The following ADAM23 variants were observed in gnomAD, a reference collection of about 807,000 sequenced individuals.
ADAM23 encodes disintegrin and metalloproteinase domain-containing protein 23.
ADAM23 carries 33 observed loss-of-function variants against 120.1 expected under a neutral mutation model. That is an observed-to-expected ratio of 0.27 (90% CI 0.21 to 0.37). The LOEUF (loss-of-function observed/expected upper bound fraction) is 0.37, where lower values mean the gene tolerates loss of function less well. Among genes scored for constraint, ADAM23 ranks in the 10% least tolerant of loss-of-function variants. The pLI is 1.00. For synonymous variants in ADAM23, 367 were observed against 375.2 expected (o/e 0.98, Z 0.25); for missense variants, 862 against 1,058.2 (o/e 0.81, Z 2.57).
intron 4 of ADAM23, among the ~76,000 whole-genome samples, chr2:206,539,050 A>G (rs973742109): frequency 6.6e-6 from 1 of 152,170 alleles, no homozygotes; most frequent in Non-Finnish European, 1.5e-5. Flanking sequence ...CATGGCTTCA[A>G]TGTGTCAGTA....
At chr2:206,617,474 G>C in intron 25 of ADAM23, 105 bp from the exon 26 acceptor site, 1 of 1,292,310 alleles carries the variant, frequency 7.7e-7, no homozygotes, top group Non-Finnish European at 1.0e-6. Flanking sequence ...CTTTGCTCTG[G>C]AACTAGCATT....
chr2:206,503,502 T>A (rs1696433159), intron 3 of ADAM23, among the ~76,000 whole-genome samples: 2 of 152,116 alleles, frequency 1.3e-5, no homozygotes, highest in South Asian at 4.1e-4. Flanking sequence ...TGTTTTAGAT[T>A]TATAGCTAAA....
chr2:206,584,416 A>C (rs749209046), intron 18 of ADAM23, among the ~76,000 whole-genome samples: 3 of 151,916 alleles, frequency 2.0e-5, no homozygotes, highest in Admixed American at 6.6e-5. Flanking sequence ...GGGCCCTAGA[A>C]CTCCCAAGAT....
chr2:206,520,812 A>G (rs564302372), intron 3 of ADAM23, among the ~76,000 whole-genome samples: 4 of 152,156 alleles, frequency 2.6e-5, no homozygotes, highest in South Asian at 2.1e-4. Context: ...TTCTGGTTCT[A>G]GAGTTCCCTT....
intron 3 of ADAM23, among the ~76,000 whole-genome samples, chr2:206,508,328 C>T (rs1696545021): frequency 6.6e-6 from 1 of 152,114 alleles, no homozygotes. Flanking sequence ...GTCCGGCCGC[C>T]TAGTTTACTT....
At chr2:206,480,461 CTT>C (rs112352748) in intron 2 of ADAM23, among the ~76,000 whole-genome samples, 9 of 131,688 alleles carry the variant, frequency 6.8e-5, no homozygotes, top group East Asian at 2.3e-4. Context: ...TAGCCTTGTT[CTT>C]TTTTTTTTTT....
chr2:206,473,666 G>T (rs1164611200), intron 2 of ADAM23, among the ~76,000 whole-genome samples: 2 of 151,452 alleles, frequency 1.3e-5, no homozygotes, highest in Admixed American at 1.3e-4. Flanking sequence ...ACTCTTTTCA[G>T]TTACTCATTT....
chr2:206,487,049 T>G (rs1318512777), intron 3 of ADAM23, among the ~76,000 whole-genome samples: 3 of 152,230 alleles, frequency 2.0e-5, no homozygotes, highest in African/African-American at 7.2e-5. Context: ...TAATATACCA[T>G]TATTTGGATA....
intron 24 of ADAM23, among the ~76,000 whole-genome samples, chr2:206,606,092 T>C (rs964728241): frequency 6.6e-6 from 1 of 152,250 alleles, no homozygotes; most frequent in Non-Finnish European, 1.5e-5. Context: ...AACATAACAC[T>C]GGGTGTGCTT....
At position 206,536,352 on chromosome 2, in the gene ADAM23, G is replaced by A. The variant is rs781035165; in HGVS notation, c.573+5404G>A. On this transcript the variant is annotated intron_variant, in intron 4 of 25. Transcript: ENST00000264377. Reference sequence around the variant, plus strand: ...TGGTGCAAAAGCAATTGCGGTGTTCGCCATTGAAAGTAATGTCAAAAACCA... The same window carrying A: ...TGGTGCAAAAGCAATTGCGGTGTTCACCATTGAAAGTAATGTCAAAAACCA... Among the ~76,000 whole-genome samples the A allele has an allele frequency of 2.5e-4, 38 of 149,086 alleles. 1 individual carries two copies. The highest frequency in any genetic ancestry group is 5.9e-4 in the African/African-American group (24 of 40,398).
intron 4 of ADAM23, among the ~76,000 whole-genome samples, chr2:206,531,686 G>A (rs1574516852): frequency 1.3e-5 from 2 of 152,192 alleles, no homozygotes; most frequent in South Asian, 4.1e-4. Flanking sequence ...GACTTCTAGG[G>A]AATCAACAAG....
rs1697286510 is a variant in ADAM23 at position 206,541,313 on chromosome 2, C to T, written c.574-739C>T. On this transcript the variant is annotated intron_variant, in intron 4 of 25. Coordinates refer to ENST00000264377, the MANE Select transcript of ADAM23 (RefSeq NM_003812.4). ...GAGCTGTGAACAATATTTGTGTACA[C>T]ATAAACAATGAATATAGATTTAACT... Among the ~76,000 whole-genome samples the T allele has an allele frequency of 2.0e-5, 3 of 152,166 alleles. No individual in the cohort carries two copies. In the South Asian group the frequency reaches 6.2e-4, roughly 32 times the overall value.
intron 4 of ADAM23, among the ~76,000 whole-genome samples, chr2:206,540,287 C>T (rs975547198): frequency 6.0e-5 from 9 of 150,106 alleles, no homozygotes; most frequent in African/African-American, 2.2e-4. Flanking sequence ...TTGAACTGCA[C>T]GGGTCCACTT....
At chr2:206,613,314 C>G (rs759883335) in intron 25 of ADAM23, among the ~76,000 whole-genome samples, 1 of 152,168 alleles carries the variant, frequency 6.6e-6, no homozygotes, top group Non-Finnish European at 1.5e-5. Flanking sequence ...CAGACTCGGC[C>G]TCCCAAAGTG....
intron 2 of ADAM23, among the ~76,000 whole-genome samples, chr2:206,468,143 C>G (rs980712620): frequency 3.9e-5 from 6 of 152,226 alleles, no homozygotes; most frequent in Non-Finnish European, 7.4e-5. Flanking sequence ...GGCTTTTTTC[C>G]CATTGTCTTG....
chr2:206,492,223 G>A (rs771602920), intron 3 of ADAM23, among the ~76,000 whole-genome samples: 32 of 152,190 alleles, frequency 2.1e-4, no homozygotes, highest in Middle Eastern at 3.2e-3. Flanking sequence ...CAAGGTAAAT[G>A]TTTATGGAGC....
intron 6 of ADAM23, among the ~76,000 whole-genome samples, chr2:206,546,699 A>G (rs1031622764): frequency 6.6e-6 from 1 of 152,144 alleles, no homozygotes; most frequent in African/African-American, 2.4e-5. Context: ...AGATAATTTT[A>G]AGACAATGAT....
Position 206,621,104 on chromosome 2 carries a change from T to C in ADAM23, c.*3477T>C, listed in dbSNP as rs1044676. ...ATTGTATGCATCTTTAAGTCAAATG[T>C]GTATTAAAACTTTCGTTAACGTAGA... On this transcript the variant is annotated 3_prime_UTR_variant, in exon 26 of 26. Transcript: ENST00000264377. 1.3e-5 allele frequency: 2 copies of C among 152,358 alleles called. No homozygotes were observed. The highest frequency in any genetic ancestry group is 2.9e-5 in the Non-Finnish European group (2 of 68,038). 9.4% of individuals were successfully genotyped at this position (152,358 alleles called of 1,614,324 possible). A position where few individuals can be genotyped will look rare whatever the true frequency, so the allele number is the denominator to read the frequency against.
Position 206,619,404 on chromosome 2 carries a change from C to T in ADAM23, c.*1777C>T, listed in dbSNP as rs1352189105. 6.6e-6 allele frequency: 1 copy of T among 152,230 alleles called. No individual in the cohort carries two copies. Among genetic ancestry groups the T allele is most frequent in the Middle Eastern group, 3.4e-3 (1 of 294 alleles). 9.4% of individuals were successfully genotyped at this position (152,230 alleles called of 1,614,324 possible). ...TAAATAAGCTGAAGAAATTTGGTCC[C>T]GGCTTTGTTTTAATGTACAAACCGG... is the stretch of plus-strand genomic sequence containing the variant. On this transcript the variant is annotated 3_prime_UTR_variant, in exon 26 of 26. Coordinates refer to ENST00000264377, the MANE Select transcript of ADAM23 (RefSeq NM_003812.4).
Sources: gnomAD v4.1 joint callset for allele counts (sites outside exome capture counted in the v4.1 genomes callset) on GRCh38, gnomAD v4.1.1 for gene constraint, MANE v1.5 for transcripts, NCBI Gene and HGNC (gene_info 2026-07-23, HGNC 2026-07-21) for gene names.